XKR6: variants seen among roughly 807,000 people sequenced by gnomAD.
XKR6 encodes the protein XK related 6.
XKR6 carries 22 observed loss-of-function variants against 56.7 expected under a neutral mutation model. The ratio of observed to expected loss-of-function variants is 0.39; its 90% CI spans 0.28 to 0.55. The LOEUF (loss-of-function observed/expected upper bound fraction) is 0.55. XKR6 is among the 20% of genes least tolerant of loss of function. The probability of loss-of-function intolerance (pLI) is 0.66; values close to 1 mark genes in which losing one functional copy is unlikely to be tolerated. For missense variants in XKR6, 852 were observed against 889.0 expected (o/e 0.96, Z 0.53); for synonymous variants, 524 against 387.8 (o/e 1.35, Z -4.13).
chr8:11,039,626 G>A (rs1005488106), intron 1 of XKR6, among the ~76,000 whole-genome samples: 3 of 152,236 alleles, frequency 2.0e-5, no homozygotes, highest in Non-Finnish European at 2.9e-5. Flanking sequence ...CTTCTGGTGC[G>A]AGAGGGGAGA....
intron 1 of XKR6, among the ~76,000 whole-genome samples, chr8:10,983,537 T>C (rs1237746374): frequency 1.3e-5 from 2 of 152,184 alleles, no homozygotes; most frequent in Non-Finnish European, 2.9e-5. Context: ...CAGAACACAC[T>C]GAAAGAACTT....
At chr8:10,922,912 A>C (rs966069266) in intron 2 of XKR6, among the ~76,000 whole-genome samples, 1 of 152,116 alleles carries the variant, frequency 6.6e-6, no homozygotes, top group African/African-American at 2.4e-5. Context: ...GCCGGACATC[A>C]AGTTGGCTCC....
chr8:11,169,505 C>T (rs1802256048), intron 1 of XKR6, among the ~76,000 whole-genome samples: 1 of 152,132 alleles, frequency 6.6e-6, no homozygotes, highest in Non-Finnish European at 1.5e-5. Flanking sequence ...ACCTTGAAAA[C>T]ATTATGCTAA....
At chr8:11,175,625 T>C (rs1400220125) in intron 1 of XKR6, 1 of 152,218 alleles carries the variant, frequency 6.6e-6, no homozygotes, top group Non-Finnish European at 1.5e-5. Context: ...AAGAATCTGT[T>C]TGCAAAATCT....
chr8:10,976,093 A>G (rs943703518), intron 1 of XKR6, among the ~76,000 whole-genome samples: 4 of 151,918 alleles, frequency 2.6e-5, no homozygotes, highest in South Asian at 4.2e-4. Flanking sequence ...GGAGAATGGC[A>G]TGAACCCGGG....
At chr8:11,125,105 A>G (rs1286206083) in intron 1 of XKR6, among the ~76,000 whole-genome samples, 1 of 132,698 alleles carries the variant, frequency 7.5e-6, no homozygotes, top group Non-Finnish European at 1.7e-5. Flanking sequence ...AAAAAAAAAG[A>G]AAAAGAAAAG....
chr8:10,938,387 G>T (rs1022545752), intron 1 of XKR6, among the ~76,000 whole-genome samples: 1 of 152,204 alleles, frequency 6.6e-6, no homozygotes, highest in Non-Finnish European at 1.5e-5. Context: ...GGGAGCTGTA[G>T]AGCGGAGCTG....
At chr8:11,142,508 C>G (rs1800758428) in intron 1 of XKR6, among the ~76,000 whole-genome samples, 1 of 152,132 alleles carries the variant, frequency 6.6e-6, no homozygotes. Flanking sequence ...GAGCAGATCC[C>G]TCATGAATGG....
intron 1 of XKR6, among the ~76,000 whole-genome samples, chr8:11,170,767 T>G (rs1165746128): frequency 1.3e-5 from 2 of 152,244 alleles, no homozygotes; most frequent in Admixed American, 1.3e-4. Context: ...ACATCTCAAG[T>G]ACTGAAGCAA....
intron 1 of XKR6, among the ~76,000 whole-genome samples, chr8:11,181,964 C>T (rs1446768646): frequency 6.6e-6 from 1 of 152,136 alleles, no homozygotes; most frequent in Non-Finnish European, 1.5e-5. Flanking sequence ...GCCACACTCC[C>T]ATCTCAGTCT....
chr8:11,048,978 C>T (rs1424704559), intron 1 of XKR6, among the ~76,000 whole-genome samples: 1 of 152,168 alleles, frequency 6.6e-6, no homozygotes, highest in Non-Finnish European at 1.5e-5. Flanking sequence ...AGGCTCTTAT[C>T]AATGAGATCA....
intron 1 of XKR6, among the ~76,000 whole-genome samples, chr8:11,016,640 C>G (rs959126830): frequency 1.3e-5 from 2 of 152,196 alleles, no homozygotes; most frequent in African/African-American, 2.4e-5. Context: ...AAGGCCCCGC[C>G]TCCTCGTCAC....
At chr8:11,164,740 G>T (rs1801985524) in intron 1 of XKR6, among the ~76,000 whole-genome samples, 1 of 152,106 alleles carries the variant, frequency 6.6e-6, no homozygotes, top group Non-Finnish European at 1.5e-5. Context: ...TAACTACACT[G>T]TTCTTCTCTA....
intron 1 of XKR6, among the ~76,000 whole-genome samples, chr8:11,018,609 T>C (rs1798679128): frequency 6.6e-6 from 1 of 152,242 alleles, no homozygotes. Flanking sequence ...TTTTCCATTC[T>C]TCTAGGCCAT....
chr8:10,930,715 G>A (rs1415422235), intron 1 of XKR6, among the ~76,000 whole-genome samples: 2 of 152,130 alleles, frequency 1.3e-5, no homozygotes, highest in Admixed American at 6.5e-5. Context: ...AGAAGTAAAA[G>A]GTAACACAAT....
At position 11,107,463 on chromosome 8, in the gene XKR6, G is replaced by C. The variant is rs141341972; in HGVS notation, c.764+93113C>G. On this transcript the variant is annotated intron_variant, in intron 1 of 2. Coordinates refer to ENST00000416569, the MANE Select transcript of XKR6 (RefSeq NM_173683.4). ...GCCTCCCAGAGTGCTAGGATTTTAGGCGTGAGCCACCACACCCAGCCCTGA... is the reference window on the plus strand; with the variant it reads ...GCCTCCCAGAGTGCTAGGATTTTAGCCGTGAGCCACCACACCCAGCCCTGA... Among the ~76,000 whole-genome samples the C allele has an allele frequency of 3.0e-4, 45 of 152,204 alleles. No individual in the cohort carries two copies. The East Asian group carries it at 7.9e-3, about 27-fold the overall frequency.
Position 11,010,459 on chromosome 8 carries a change from A to C in XKR6, c.765-85629T>G, listed in dbSNP as rs1417020934. On this transcript the variant is annotated intron_variant, in intron 1 of 2. Transcript: ENST00000416569. ...TAAGCCTCATTTTCTTGTTTATAAA[A>C]TGAGACAACAGTACCTGCCTCATGG... Among the ~76,000 whole-genome samples, 3 of 152,344 alleles carry C rather than the reference A, an allele frequency of 2.0e-5. No homozygotes were observed. In the East Asian group the frequency reaches 5.8e-4, roughly 29 times the overall value.
chr8:10,939,688 G>C (rs919768136), intron 1 of XKR6, among the ~76,000 whole-genome samples: 12 of 152,364 alleles, frequency 7.9e-5, no homozygotes, highest in African/African-American at 2.9e-4. Flanking sequence ...TAAGTCGCTG[G>C]GTTCTTGAAA....
chr8:11,019,491 C>T (rs1798700692), intron 1 of XKR6, among the ~76,000 whole-genome samples: 1 of 152,246 alleles, frequency 6.6e-6, no homozygotes, highest in Non-Finnish European at 1.5e-5. Context: ...GCTGGGCTGC[C>T]TCCTCTGGGG....
Sources: gnomAD v4.1 joint callset for allele counts (sites outside exome capture counted in the v4.1 genomes callset) on GRCh38, gnomAD v4.1.1 for gene constraint, MANE v1.5 for transcripts, NCBI Gene and HGNC (gene_info 2026-07-23, HGNC 2026-07-21) for gene names.